Variants in SLC23A2 observed in about 807,000 individuals in gnomAD.
SLC23A2 encodes Na(+)/L-ascorbic acid transporter 2.
In SLC23A2, 36 loss-of-function variants were observed where a neutral mutation model predicts 73.3. The ratio of observed to expected loss-of-function variants is 0.49; its 90% CI spans 0.38 to 0.65. The LOEUF is 0.65. Ranked by LOEUF, SLC23A2 falls within the 30% of genes least tolerant of loss-of-function variation. SLC23A2 has a pLI of 0.00. For missense variants in SLC23A2, 507 were observed against 841.6 expected (o/e 0.60, Z 4.92); for synonymous variants, 343 against 327.3 (o/e 1.05, Z -0.52).
intron 1 of SLC23A2, among the ~76,000 whole-genome samples, chr20:4,996,169 G>C (rs1244249667): frequency 6.6e-6 from 1 of 152,096 alleles, no homozygotes; most frequent in Non-Finnish European, 1.5e-5. Flanking sequence ...ATCACATGGG[G>C]CTCTCTTGTC....
chr20:4,974,227 T>C (rs1191827702), intron 1 of SLC23A2, among the ~76,000 whole-genome samples: 2 of 151,976 alleles, frequency 1.3e-5, no homozygotes, highest in Admixed American at 6.6e-5. Flanking sequence ...TCCCAGCACT[T>C]TGGGAGGCTG....
rs1165018404 is a variant in SLC23A2, at chr20:4,883,557, GA to G, written c.824+84del. The G allele has an allele frequency of 3.3e-5, 32 of 977,014 alleles. No individual in the cohort carries two copies. Among genetic ancestry groups the G allele is most frequent in the Non-Finnish European group, 4.8e-5 (32 of 664,500 alleles). 60.5% of individuals were successfully genotyped at this position (977,014 alleles called of 1,614,324 possible). On this transcript the variant is annotated intron_variant, in intron 9 of 16. Coordinates refer to ENST00000338244, the MANE Select transcript of SLC23A2 (RefSeq NM_005116.6). This position sits in a 1 kb window ranked among gnomAD's most constrained non-coding sequence, Gnocchi z 4.5. ...AAACTGTCAGACCATTCTTATTATTGAAAAACATTATCTCCTGAAGTCTGTG... is the reference window on the plus strand; with the variant it reads ...AAACTGTCAGACCATTCTTATTATTGAAAACATTATCTCCTGAAGTCTGTG...
At chr20:4,929,455 G>A (rs1166579610) in intron 3 of SLC23A2, among the ~76,000 whole-genome samples, 3 of 152,130 alleles carry the variant, frequency 2.0e-5, no homozygotes, top group African/African-American at 7.2e-5. Context: ...GCAACCCTGG[G>A]GAAGACAACG....
intron 1 of SLC23A2, among the ~76,000 whole-genome samples, chr20:4,973,219 A>G (rs1568650347): frequency 1.3e-5 from 2 of 152,132 alleles, no homozygotes; most frequent in African/African-American, 2.4e-5. Flanking sequence ...GACCTTCTCA[A>G]TTTACTAAAC....
intron 2 of SLC23A2, among the ~76,000 whole-genome samples, chr20:4,943,484 G>A (rs181278642): frequency 1.2e-3 from 187 of 150,224 alleles, no homozygotes; most frequent in African/African-American, 2.1e-3. Flanking sequence ...CCTGGGCAAC[G>A]TGACGAAACC....
intron 15 of SLC23A2, among the ~76,000 whole-genome samples, chr20:4,861,583 T>G (rs542302607): frequency 6.6e-6 from 1 of 152,232 alleles, no homozygotes; most frequent in East Asian, 1.9e-4. Context: ...AGACATCAAA[T>G]AGTAGAATAA....
chr20:5,007,147 C>A (rs2088200762), intron 1 of SLC23A2, among the ~76,000 whole-genome samples: 1 of 152,128 alleles, frequency 6.6e-6, no homozygotes, highest in South Asian at 2.1e-4. Context: ...CACTCCACCG[C>A]CAGGCTTGCT....
chr20:4,960,943 C>T (rs1048498922), intron 2 of SLC23A2, among the ~76,000 whole-genome samples: 19 of 152,094 alleles, frequency 1.2e-4, no homozygotes, highest in African/African-American at 4.6e-4. Context: ...CAAAGACTAT[C>T]TATCTTTAAA....
In SLC23A2 at chr20:4,862,225, C is replaced by T. The variant is rs6084920; in HGVS notation, c.1487-140G>A. The T allele has an allele frequency of 0.13, 108,399 of 813,486 alleles. 8,770 individuals carry two copies. Among genetic ancestry groups the T allele is most frequent in the Non-Finnish European group, 0.17 (86,312 of 518,638 alleles). The allele number at this position is 813,486 out of a possible 1,614,324, so 50.4% of individuals were successfully genotyped here. On this transcript the variant is annotated intron_variant, in intron 14 of 16. Coordinates refer to ENST00000338244, the MANE Select transcript of SLC23A2 (RefSeq NM_005116.6). The surrounding 1 kb of genome is among the most constrained non-coding windows in gnomAD (Gnocchi z 5.1). ...ACCAGTGCAGGGACAGGAAGGGGGACGTGTGGGGTCAGACTGTAGCCACCC... is the reference window on the plus strand; with the variant it reads ...ACCAGTGCAGGGACAGGAAGGGGGATGTGTGGGGTCAGACTGTAGCCACCC...
rs567431284 is a variant in SLC23A2, at chr20:4,990,433, G to A, written c.-282+10973C>T. Among the ~76,000 whole-genome samples, 29 of 151,956 alleles carry A rather than the reference G, an allele frequency of 1.9e-4. No individual in the cohort carries two copies. The East Asian group carries it at 3.3e-3, about 17-fold the overall frequency. ...GGCCTGGGCTGAAATGCAGTGGCGC[G>A]ATCTCGACTCACTGCAACCTCCGTT... On this transcript the variant is annotated intron_variant, in intron 1 of 16. Coordinates refer to ENST00000338244, the MANE Select transcript of SLC23A2 (RefSeq NM_005116.6).
rs1056728201 is a variant in SLC23A2 at position 4,899,176 on chromosome 20, A to G, written c.482+379T>C. ...AGATGGCACTGGGTGTGGGGCACAA[A>G]GTGAGTCCAAGAGCAGTGCCCTGGA... On this transcript the variant is annotated intron_variant, in intron 6 of 16. Coordinates refer to ENST00000338244, the MANE Select transcript of SLC23A2 (RefSeq NM_005116.6). The surrounding 1 kb of genome is among the most constrained non-coding windows in gnomAD (Gnocchi z 4.9). Among the ~76,000 whole-genome samples, 2 of 152,152 alleles carry G rather than the reference A, an allele frequency of 1.3e-5. No individual in the cohort carries two copies. Among genetic ancestry groups the G allele is most frequent in the Non-Finnish European group, 2.9e-5 (2 of 68,018 alleles).
intron 1 of SLC23A2, 112 bp downstream of exon 1, chr20:5,001,294 A>T (rs1396406321): frequency 6.8e-6 from 1 of 146,808 alleles, no homozygotes; most frequent in Non-Finnish European, 1.5e-5. Flanking sequence ...GGTGGGTGAC[A>T]GCGCGCGGGG....
chr20:4,877,527 ATATG>A (rs1236069587), intron 9 of SLC23A2, among the ~76,000 whole-genome samples: 1 of 152,216 alleles, frequency 6.6e-6, no homozygotes, highest in Non-Finnish European at 1.5e-5. Context: ...AAATATAAAA[ATATG>A]TAAGGATAAA....
At chr20:4,954,917 T>C (rs2087260570) in intron 2 of SLC23A2, among the ~76,000 whole-genome samples, 1 of 151,852 alleles carries the variant, frequency 6.6e-6, no homozygotes, top group African/African-American at 2.4e-5. Flanking sequence ...GTGGGTGCCA[T>C]TATAGAAGAC....
chr20:4,991,211 T>TCTCTTCCCACAATCAGC (rs2087918416), intron 1 of SLC23A2, among the ~76,000 whole-genome samples: 1 of 151,994 alleles, frequency 6.6e-6, no homozygotes, highest in African/African-American at 2.4e-5. Flanking sequence ...GGGCTTGAGT[T>TCTCTTCCCACAATCAGC]CTCTTCCCAC....
At chr20:4,870,564 G>A (rs574307691) in intron 11 of SLC23A2, among the ~76,000 whole-genome samples, 10 of 150,434 alleles carry the variant, frequency 6.6e-5, no homozygotes, top group African/African-American at 2.5e-4. Context: ...GTGATAGAGC[G>A]AGACTCCATC....
In SLC23A2 at chr20:4,902,636, TTACAG is replaced by T. The variant is rs1931792718; in HGVS notation, c.208-83_208-79del. 3 of 697,118 alleles carry T rather than the reference TTACAG, an allele frequency of 4.3e-6. No homozygotes were observed. The highest frequency in any genetic ancestry group is 5.7e-5 in the Admixed American group (2 of 35,282). 43.2% of individuals were successfully genotyped at this position (697,118 alleles called of 1,614,324 possible). A position where few individuals can be genotyped will look rare whatever the true frequency, so the allele number is the denominator to read the frequency against. On this transcript the variant is annotated intron_variant, in intron 4 of 16. Coordinates refer to ENST00000338244, the MANE Select transcript of SLC23A2 (RefSeq NM_005116.6). The surrounding 1 kb of genome is among the most constrained non-coding windows in gnomAD (Gnocchi z 4.0). The stretch of plus-strand genomic sequence containing the variant: ...TAGCTCGGCCATGTACAGGCCACTA[TTACAG>T]AAAAACAACTTTATCAAGTGGTTGC...
chr20:4,861,607 T>A (rs561026684), intron 15 of SLC23A2, among the ~76,000 whole-genome samples: 5 of 152,286 alleles, frequency 3.3e-5, no homozygotes, highest in African/African-American at 9.6e-5. Flanking sequence ...GTTCAAAGTC[T>A]ATGAAGTTGA....
intron 1 of SLC23A2, among the ~76,000 whole-genome samples, chr20:4,978,877 T>C (rs895927085): frequency 6.6e-6 from 1 of 152,176 alleles, no homozygotes; most frequent in Non-Finnish European, 1.5e-5. Flanking sequence ...CGGATGCCGA[T>C]TTTTAAACAA....
Sources: gnomAD v4.1 joint callset for allele counts (sites outside exome capture counted in the v4.1 genomes callset) on GRCh38, gnomAD v4.1.1 for gene constraint, Gnocchi (gnomAD v3.1) non-coding constraint, MANE v1.5 for transcripts, NCBI Gene and HGNC (gene_info 2026-07-23, HGNC 2026-07-21) for gene names.